Variants in SLC35F3 observed in about 807,000 individuals in gnomAD.
The protein encoded by SLC35F3 is putative thiamine transporter SLC35F3.
Under a neutral mutation model 49.9 loss-of-function variants are expected in SLC35F3, and 25 were observed. That is an observed-to-expected ratio of 0.50 (90% CI 0.37 to 0.70). The LOEUF is 0.70. Ranked by LOEUF, SLC35F3 falls within the 30% of genes least tolerant of loss-of-function variation. SLC35F3 has a pLI of 0.00. For synonymous variants in SLC35F3, 275 were observed against 265.4 expected, an observed-to-expected ratio of 1.04 and a Z score of -0.35; for missense variants, 525 against 639.8, an observed-to-expected ratio of 0.82 and a Z score of 1.94.
chr1:233,999,462 G>A (rs1439333953), intron 2 of SLC35F3, among the ~76,000 whole-genome samples: 2 of 152,140 alleles, frequency 1.3e-5, no homozygotes, highest in Non-Finnish European at 2.9e-5. Flanking sequence ...GGAAGCCAAA[G>A]CCTAGGTTCG....
rs546630035 is a variant in SLC35F3 at position 234,167,664 on chromosome 1, G to A, written c.284-63753G>A. ...ACTTTTTGAAGCAGATAGAGCAGCC[G>A]TCACAAACGCCACTTCATAGCAAGC... On this transcript the variant is annotated intron_variant, in intron 2 of 7. Coordinates refer to ENST00000366618, the MANE Select transcript of SLC35F3 (RefSeq NM_173508.4). Among the ~76,000 whole-genome samples, 6 of 152,214 alleles carry A rather than the reference G, an allele frequency of 3.9e-5. No homozygotes were observed. The East Asian group carries it at 5.8e-4, about 15-fold the overall frequency.
chr1:233,995,451 A>C (rs1250935475), intron 2 of SLC35F3, among the ~76,000 whole-genome samples: 2 of 152,100 alleles, frequency 1.3e-5, no homozygotes, highest in African/African-American at 4.8e-5. Flanking sequence ...GTATATTCCC[A>C]TATTCATGGG....
chr1:234,180,259 A>T (rs752068351), intron 2 of SLC35F3, among the ~76,000 whole-genome samples: 7 of 152,194 alleles, frequency 4.6e-5, no homozygotes, highest in Non-Finnish European at 8.8e-5. Context: ...CTTCCCAAAG[A>T]TGCCTAATGA....
rs143224370 is a variant in SLC35F3, at chr1:233,931,406, C to T, written c.283+25648C>T. On this transcript the variant is annotated intron_variant, in intron 2 of 7. Transcript: ENST00000366618. ...CTATCCATCTGACAAAGGGCAAATA[C>T]CCAGAATCTACAAAGAACTTAAACA... Among the ~76,000 whole-genome samples the T allele has an allele frequency of 3.8e-3, 576 of 152,172 alleles. 3 individuals carry two copies. Among genetic ancestry groups the T allele is most frequent in the Non-Finnish European group, 6.5e-3 (443 of 67,986 alleles).
At chr1:234,115,113 C>T (rs1243777590) in intron 2 of SLC35F3, among the ~76,000 whole-genome samples, 3 of 152,144 alleles carry the variant, frequency 2.0e-5, no homozygotes, top group Admixed American at 1.3e-4. Flanking sequence ...CCTGTACTTG[C>T]TTGTGGCTGC....
At chr1:234,093,684 T>C (rs1165234902) in intron 2 of SLC35F3, among the ~76,000 whole-genome samples, 4 of 152,252 alleles carry the variant, frequency 2.6e-5, no homozygotes, top group Non-Finnish European at 4.4e-5. Flanking sequence ...GTGGAAAGTC[T>C]GTTTGTGCAG....
chr1:233,977,472 A>G (rs1663109950), intron 2 of SLC35F3, among the ~76,000 whole-genome samples: 1 of 152,206 alleles, frequency 6.6e-6, no homozygotes, highest in African/African-American at 2.4e-5. Flanking sequence ...TGGTTCTGGT[A>G]TCATCTGATA....
chr1:233,959,196 A>G (rs1277876710), intron 2 of SLC35F3, among the ~76,000 whole-genome samples: 1 of 152,138 alleles, frequency 6.6e-6, no homozygotes, highest in Admixed American at 6.5e-5. Context: ...TCACGTATAA[A>G]GTAGCGTACA....
chr1:233,983,880 G>T (rs1486444285), intron 2 of SLC35F3, among the ~76,000 whole-genome samples: 2 of 152,338 alleles, frequency 1.3e-5, no homozygotes, highest in Middle Eastern at 3.4e-3. Context: ...TTTGGAATCA[G>T]TGCTTCCTGA....
At chr1:234,203,470 T>G (rs1666928921) in intron 2 of SLC35F3, among the ~76,000 whole-genome samples, 1 of 152,204 alleles carries the variant, frequency 6.6e-6, no homozygotes, top group Non-Finnish European at 1.5e-5. Context: ...CCCAGCACTT[T>G]GGGAAGCCAA....
intron 2 of SLC35F3, among the ~76,000 whole-genome samples, chr1:233,935,897 G>A (rs1262988399): frequency 6.6e-6 from 1 of 152,172 alleles, no homozygotes; most frequent in African/African-American, 2.4e-5. Context: ...TCTGCTAAAG[G>A]TAAAGCAGAC....
chr1:233,937,437 C>G (rs1382384166), intron 2 of SLC35F3, among the ~76,000 whole-genome samples: 1 of 152,240 alleles, frequency 6.6e-6, no homozygotes, highest in Non-Finnish European at 1.5e-5. Flanking sequence ...CTGAAGACTT[C>G]TGCCCCTGCA....
intron 4 of SLC35F3, among the ~76,000 whole-genome samples, chr1:234,311,882 C>T (rs545876852): frequency 1.1e-4 from 17 of 152,320 alleles, no homozygotes; most frequent in African/African-American, 4.1e-4. Flanking sequence ...CTGTTTGGAC[C>T]TTGAGCAGAC....
chr1:233,929,414 G>A (rs1215962559), intron 2 of SLC35F3, among the ~76,000 whole-genome samples: 1 of 152,130 alleles, frequency 6.6e-6, no homozygotes, highest in East Asian at 1.9e-4. Context: ...GAGTTATTGA[G>A]AAAAGCAGCC....
intron 3 of SLC35F3, among the ~76,000 whole-genome samples, chr1:234,252,920 A>T (rs1267515882): frequency 6.6e-6 from 1 of 152,246 alleles, no homozygotes; most frequent in Non-Finnish European, 1.5e-5. Flanking sequence ...TAAAGTTTGA[A>T]CATGATATCA....
At chr1:234,126,152 T>C (rs1046496992) in intron 2 of SLC35F3, among the ~76,000 whole-genome samples, 1 of 152,214 alleles carries the variant, frequency 6.6e-6, no homozygotes, top group Admixed American at 6.5e-5. Flanking sequence ...TGTTTTCTGT[T>C]GCTGGGACTA....
At chr1:234,023,515 G>A (rs1377552623) in intron 2 of SLC35F3, among the ~76,000 whole-genome samples, 1 of 152,124 alleles carries the variant, frequency 6.6e-6, no homozygotes, top group East Asian at 1.9e-4. Flanking sequence ...TAAGAAATGG[G>A]GGAGAGGAGA....
At chr1:234,207,482 A>G (rs1666992008) in intron 2 of SLC35F3, among the ~76,000 whole-genome samples, 1 of 890 alleles carries the variant, frequency 1.1e-3, no homozygotes, top group African/African-American at 4.5e-3. Context: ...GATCGATTTA[A>G]TTAACTGGAG....
chr1:234,157,847 G>A (rs1481832425), intron 2 of SLC35F3, among the ~76,000 whole-genome samples: 1 of 152,182 alleles, frequency 6.6e-6, no homozygotes, highest in Non-Finnish European at 1.5e-5. Context: ...TCTGTTGAAA[G>A]GAGGAAAAAC....
Sources: allele counts gnomAD v4.1 joint callset (sites outside exome capture counted in the v4.1 genomes callset), GRCh38; gene constraint gnomAD v4.1.1; transcripts MANE v1.5; gene names NCBI Gene and HGNC (gene_info 2026-07-23, HGNC 2026-07-21).